DCC: variants seen among roughly 807,000 people sequenced by gnomAD.
DCC encodes netrin receptor DCC.
In DCC, 58 loss-of-function variants were observed where a neutral mutation model predicts 172.5. That is an observed-to-expected ratio of 0.34 (90% CI 0.27 to 0.42). The LOEUF is 0.42. DCC is among the 10% of genes least tolerant of loss of function. DCC has a pLI of 1.00. For synonymous variants in DCC, 709 were observed against 644.5 expected, an observed-to-expected ratio of 1.10 and a Z score of -1.52; for missense variants, 1,740 against 1,791.0, an observed-to-expected ratio of 0.97 and a Z score of 0.51.
intron 1 of DCC, among the ~76,000 whole-genome samples, chr18:52,464,229 C>T (rs966239405): frequency 3.3e-5 from 5 of 152,056 alleles, no homozygotes; most frequent in Non-Finnish European, 7.4e-5. Context: ...TCGGGAAACA[C>T]TTTCTTATAT....
intron 1 of DCC, among the ~76,000 whole-genome samples, chr18:52,582,330 G>C (rs1368246791): frequency 6.6e-6 from 1 of 152,120 alleles, no homozygotes; most frequent in East Asian, 1.9e-4. Flanking sequence ...TAGGAAGATG[G>C]CTTTCAGTTT....
intron 7 of DCC, among the ~76,000 whole-genome samples, chr18:53,088,231 A>G (rs941634477): frequency 1.2e-4 from 18 of 152,186 alleles, no homozygotes; most frequent in African/African-American, 4.3e-4. Flanking sequence ...CCTCCTACGC[A>G]TGAGCATGGA....
chr18:53,335,544 A>G (rs1285551569), intron 14 of DCC, among the ~76,000 whole-genome samples: 2 of 152,188 alleles, frequency 1.3e-5, no homozygotes, highest in African/African-American at 4.8e-5. Flanking sequence ...ACGTCTACAT[A>G]TATTACATAT....
intron 2 of DCC, among the ~76,000 whole-genome samples, chr18:52,787,012 A>C (rs749507466): frequency 2.6e-5 from 4 of 152,170 alleles, no homozygotes; most frequent in Non-Finnish European, 5.9e-5. Context: ...CAATTTCTAG[A>C]GGAACTAGGC....
chr18:53,515,981 C>T (rs1032806699), intron 27 of DCC, among the ~76,000 whole-genome samples: 12 of 150,416 alleles, frequency 8.0e-5, no homozygotes, highest in East Asian at 5.9e-4. Flanking sequence ...AAAAAGAGCC[C>T]GCATCACCGA....
At chr18:52,731,547 CTT>C (rs2036642637) in intron 1 of DCC, among the ~76,000 whole-genome samples, 1 of 152,152 alleles carries the variant, frequency 6.6e-6, no homozygotes, top group Admixed American at 6.6e-5. Context: ...AGTATTTTCT[CTT>C]TACATATACA....
At chr18:52,874,973 C>A (rs1316107700) in intron 2 of DCC, among the ~76,000 whole-genome samples, 5 of 151,886 alleles carry the variant, frequency 3.3e-5, no homozygotes, top group African/African-American at 1.2e-4. Flanking sequence ...GGCTGTGGGG[C>A]GGTTCCTGAT....
intron 1 of DCC, among the ~76,000 whole-genome samples, chr18:52,743,273 C>T (rs2036852012): frequency 6.6e-6 from 1 of 152,148 alleles, no homozygotes; most frequent in African/African-American, 2.4e-5. Context: ...CCTCTCTCTA[C>T]TTAGAGAAAG....
intron 1 of DCC, among the ~76,000 whole-genome samples, chr18:52,358,134 T>C (rs1181843861): frequency 6.6e-6 from 1 of 152,054 alleles, no homozygotes; most frequent in Non-Finnish European, 1.5e-5. Flanking sequence ...CAAACCCCAT[T>C]TGAGATTCTA....
intron 15 of DCC, among the ~76,000 whole-genome samples, chr18:53,343,075 A>G (rs2057680944): frequency 6.6e-6 from 1 of 151,540 alleles, no homozygotes; most frequent in Admixed American, 6.6e-5. Flanking sequence ...AGTTTTTTAG[A>G]TTATCTAAAA....
rs143033299 is a variant in DCC, at chr18:52,585,840, T to C, written c.92-166214T>C. On this transcript the variant is annotated intron_variant, in intron 1 of 28. Transcript: ENST00000442544. ...GGCTCACGCCTGTAATCCCAGCACT[T>C]TGGGAGGCCAAGGTGAGTGGATCAC... is the stretch of plus-strand genomic sequence containing the variant. Among the ~76,000 whole-genome samples the C allele has an allele frequency of 1.8e-4, 27 of 152,178 alleles. 1 individual carries two copies. The highest frequency in any genetic ancestry group is 6.3e-4 in the African/African-American group (26 of 41,540).
intron 12 of DCC, among the ~76,000 whole-genome samples, chr18:53,271,120 C>T (rs1716135141): frequency 6.6e-6 from 1 of 152,094 alleles, no homozygotes; most frequent in African/African-American, 2.4e-5. Flanking sequence ...AGGTTAAACC[C>T]ACATATCAGC....
chr18:52,990,157 G>T (rs1477133158), intron 5 of DCC, among the ~76,000 whole-genome samples: 2 of 152,126 alleles, frequency 1.3e-5, no homozygotes, highest in Non-Finnish European at 2.9e-5. Flanking sequence ...CGCCAGAGTA[G>T]AACCCAGAGA....
intron 1 of DCC, among the ~76,000 whole-genome samples, chr18:52,504,311 T>C (rs1463375610): frequency 3.3e-5 from 5 of 152,142 alleles, no homozygotes; most frequent in Non-Finnish European, 7.4e-5. Context: ...TCTGGCAGTG[T>C]CAATGGGAGA....
chr18:52,905,983 T>C (rs763503104), intron 2 of DCC, 61 bp from the exon 3 acceptor site: 1 of 1,094,394 alleles, frequency 9.1e-7, no homozygotes, highest in East Asian at 2.4e-5. Context: ...TGATTATTTT[T>C]ATTGGCGATT....
At chr18:52,426,483 C>T (rs1227277383) in intron 1 of DCC, among the ~76,000 whole-genome samples, 1 of 151,948 alleles carries the variant, frequency 6.6e-6, no homozygotes, top group Non-Finnish European at 1.5e-5. Flanking sequence ...GTTTTATCTA[C>T]ACTGAAAAAG....
intron 27 of DCC, among the ~76,000 whole-genome samples, chr18:53,502,146 C>A (rs1460826044): frequency 6.6e-6 from 1 of 152,138 alleles, no homozygotes; most frequent in Non-Finnish European, 1.5e-5. Context: ...CTATTTCTCT[C>A]AAGCCATCTC....
intron 5 of DCC, among the ~76,000 whole-genome samples, chr18:53,011,886 G>A (rs112372008): frequency 0.023 from 3,443 of 151,524 alleles, 49 homozygotes; most frequent in Middle Eastern, 0.048. Flanking sequence ...TTATAAATAC[G>A]TTACAAAATG....
intron 1 of DCC, among the ~76,000 whole-genome samples, chr18:52,477,133 C>T (rs1163035891): frequency 1.3e-5 from 2 of 152,086 alleles, no homozygotes; most frequent in Non-Finnish European, 2.9e-5. Context: ...CAACGTTTTC[C>T]ACTACGTTAT....
Sources: gnomAD v4.1 joint callset for allele counts (sites outside exome capture counted in the v4.1 genomes callset) on GRCh38, gnomAD v4.1.1 for gene constraint, MANE v1.5 for transcripts, NCBI Gene and HGNC (gene_info 2026-07-23, HGNC 2026-07-21) for gene names.